SGCD: variants seen among roughly 807,000 people sequenced by gnomAD.
SGCD encodes the protein delta-sarcoglycan.
SGCD carries 18 observed loss-of-function variants against 36.6 expected under a neutral mutation model. That is an observed-to-expected ratio of 0.49 (90% CI 0.34 to 0.73). The LOEUF (loss-of-function observed/expected upper bound fraction) is 0.73, where lower values mean the gene tolerates loss of function less well. Ranked by LOEUF, SGCD falls within the 30% of genes least tolerant of loss-of-function variation. The probability of loss-of-function intolerance (pLI) is 0.01; values close to 1 mark genes in which losing one functional copy is unlikely to be tolerated. For missense variants in SGCD, 387 were observed against 346.7 expected (o/e 1.12, Z -0.92); for synonymous variants, 133 against 130.6 (o/e 1.02, Z -0.12).
intron 3 of SGCD, among the ~76,000 whole-genome samples, chr5:156,129,549 G>A (rs1432165786): frequency 4.6e-5 from 7 of 152,242 alleles, no homozygotes; most frequent in African/African-American, 1.7e-4. Flanking sequence ...GTAAACTAGC[G>A]TCACAGGGGT....
intron 7 of SGCD, among the ~76,000 whole-genome samples, chr5:156,751,586 A>C (rs1298403653): frequency 6.6e-6 from 1 of 152,250 alleles, no homozygotes; most frequent in East Asian, 1.9e-4. Context: ...ATTATATAAA[A>C]GTATTCCACA....
intron 3 of SGCD, among the ~76,000 whole-genome samples, chr5:156,219,689 C>G (rs897876498): frequency 2.6e-5 from 4 of 152,202 alleles, no homozygotes; most frequent in African/African-American, 9.7e-5. Flanking sequence ...TTAGTGCTGT[C>G]TCTTAGTGAT....
intron 3 of SGCD, among the ~76,000 whole-genome samples, chr5:156,291,051 A>T (rs924384810): frequency 6.6e-6 from 1 of 152,164 alleles, no homozygotes; most frequent in Non-Finnish European, 1.5e-5. Flanking sequence ...CACGTTCTGC[A>T]TCTGCAGATA....
intron 3 of SGCD, among the ~76,000 whole-genome samples, chr5:156,389,729 G>A (rs1387508173): frequency 1.3e-5 from 2 of 152,170 alleles, no homozygotes; most frequent in African/African-American, 4.8e-5. Flanking sequence ...TGTGTACCAG[G>A]ATTGGAGACC....
At chr5:156,282,387 G>C (rs1010163225) in intron 3 of SGCD, among the ~76,000 whole-genome samples, 2 of 152,154 alleles carry the variant, frequency 1.3e-5, no homozygotes, top group African/African-American at 4.8e-5. Context: ...TAGGAGCATC[G>C]TACCCCTCCC....
At chr5:155,891,005 T>A (rs1316879487) in intron 1 of SGCD, among the ~76,000 whole-genome samples, 3 of 152,162 alleles carry the variant, frequency 2.0e-5, no homozygotes, top group African/African-American at 7.2e-5. Context: ...AAGACTGGGT[T>A]GTCCCTAAAG....
chr5:156,693,645 A>C (rs1162739721), intron 7 of SGCD, among the ~76,000 whole-genome samples: 1 of 152,198 alleles, frequency 6.6e-6, no homozygotes, highest in Admixed American at 6.5e-5. Context: ...GTTTAGAGGC[A>C]GAAGGAACTG....
intron 3 of SGCD, among the ~76,000 whole-genome samples, chr5:156,443,317 G>A (rs771636954): frequency 2.6e-5 from 4 of 152,034 alleles, no homozygotes; most frequent in African/African-American, 4.8e-5. Flanking sequence ...TCCTTTTAAC[G>A]TATTTGAGAC....
chr5:156,117,387 C>A (rs1561526159), intron 1 of SGCD, among the ~76,000 whole-genome samples: 1 of 152,002 alleles, frequency 6.6e-6, no homozygotes, highest in Non-Finnish European at 1.5e-5. Context: ...AAATCTAATA[C>A]CCATTGAACT....
At chr5:156,172,138 G>A (rs1227522711) in intron 3 of SGCD, among the ~76,000 whole-genome samples, 8 of 152,074 alleles carry the variant, frequency 5.3e-5, no homozygotes, top group Non-Finnish European at 8.8e-5. Context: ...CAAAAAACTA[G>A]CTGGGCATGG....
At chr5:156,554,443 T>C (rs1310352385) in intron 4 of SGCD, among the ~76,000 whole-genome samples, 1 of 151,640 alleles carries the variant, frequency 6.6e-6, no homozygotes, top group Non-Finnish European at 1.5e-5. Context: ...TTTGTCATTA[T>C]TGCTGTTCAT....
At chr5:156,202,023 G>A (rs1764163630) in intron 3 of SGCD, among the ~76,000 whole-genome samples, 1 of 152,124 alleles carries the variant, frequency 6.6e-6, no homozygotes, top group South Asian at 2.1e-4. Flanking sequence ...CGTTGTTGTT[G>A]TTGTTGAATT....
At chr5:156,036,826 C>T (rs1312656373) in intron 1 of SGCD, among the ~76,000 whole-genome samples, 3 of 152,072 alleles carry the variant, frequency 2.0e-5, no homozygotes, top group Admixed American at 1.3e-4. Context: ...TATGCTTCAC[C>T]CCAGAGCACA....
At chr5:155,970,758 G>C (rs1757992504) in intron 1 of SGCD, among the ~76,000 whole-genome samples, 1 of 152,170 alleles carries the variant, frequency 6.6e-6, no homozygotes, top group Non-Finnish European at 1.5e-5. Flanking sequence ...ATCACTGCAA[G>C]GTAGGCAGTA....
chr5:155,957,339 G>T (rs1054101851), intron 1 of SGCD, among the ~76,000 whole-genome samples: 1 of 152,002 alleles, frequency 6.6e-6, no homozygotes, highest in African/African-American at 2.4e-5. Context: ...GAAGAGAGCT[G>T]CCCCCACCAA....
intron 3 of SGCD, among the ~76,000 whole-genome samples, chr5:156,308,384 C>G (rs944576827): frequency 6.6e-6 from 1 of 151,840 alleles, no homozygotes. Context: ...CTGAAAGCTC[C>G]GCCTCCCGGG....
chr5:156,448,954 A>G (rs1753872262), intron 3 of SGCD, among the ~76,000 whole-genome samples: 1 of 151,836 alleles, frequency 6.6e-6, no homozygotes, highest in African/African-American at 2.4e-5. Context: ...TGTTTTTACC[A>G]TGTTGGCCAG....
At chr5:156,397,785 A>G (rs1013640708) in intron 3 of SGCD, among the ~76,000 whole-genome samples, 2 of 152,190 alleles carry the variant, frequency 1.3e-5, no homozygotes, top group Admixed American at 6.5e-5. Context: ...CTGAAATTTT[A>G]AATGCCGAGT....
the SGCD span, among the ~76,000 whole-genome samples, chr5:155,799,938 C>T: frequency 6.6e-6 from 1 of 150,478 alleles, no homozygotes; most frequent in Non-Finnish European, 1.5e-5. Flanking sequence ...CCTGCCTCAG[C>T]CTTCCAAGTA....
Sources: gnomAD v4.1 joint callset for allele counts (sites outside exome capture counted in the v4.1 genomes callset) on GRCh38, gnomAD v4.1.1 for gene constraint, MANE v1.5 for transcripts, NCBI Gene and HGNC (gene_info 2026-07-23, HGNC 2026-07-21) for gene names.